Variants in LARS2 observed in about 807,000 individuals in gnomAD.
LARS2 encodes the protein leucyl-tRNA synthetase 2, mitochondrial.
A neutral mutation model predicts 116.6 loss-of-function variants in LARS2; 81 were observed. The ratio of observed to expected loss-of-function variants is 0.69; its 90% confidence interval spans 0.58 to 0.84. The LOEUF is 0.84. Ranked by LOEUF, LARS2 falls within the 40% of genes least tolerant of loss-of-function variation. The probability of loss-of-function intolerance (pLI) is 0.00; values close to 1 mark genes in which losing one functional copy is unlikely to be tolerated. For synonymous variants in LARS2, 396 were observed against 407.2 expected (o/e 0.97, Z 0.33); for missense variants, 968 against 1,114.5 (o/e 0.87, Z 1.87).
chr3:45,404,864 G>C (rs1413598897), intron 4 of LARS2, among the ~76,000 whole-genome samples: 1 of 152,166 alleles, frequency 6.6e-6, no homozygotes, highest in Non-Finnish European at 1.5e-5. Context: ...TGGGATTACA[G>C]GTGTGAGCCA....
intron 6 of LARS2, among the ~76,000 whole-genome samples, chr3:45,432,066 A>G (rs1306752396): frequency 6.6e-6 from 1 of 152,212 alleles, no homozygotes; most frequent in Non-Finnish European, 1.5e-5. Flanking sequence ...TACAAAAGAC[A>G]AAGAAGAGCA....
chr3:45,524,628 C>T (rs967823650), intron 20 of LARS2, among the ~76,000 whole-genome samples: 1 of 152,128 alleles, frequency 6.6e-6, no homozygotes, highest in Non-Finnish European at 1.5e-5. Flanking sequence ...ACATAATCAT[C>T]GAACTGGGAT....
At chr3:45,446,217 A>G (rs1325557323) in intron 6 of LARS2, among the ~76,000 whole-genome samples, 1 of 152,258 alleles carries the variant, frequency 6.6e-6, no homozygotes, top group Non-Finnish European at 1.5e-5. Context: ...TGACTTTATC[A>G]ACTGTAAATT....
chr3:45,430,543 G>C lies in LARS2; in HGVS notation c.516+10814G>C, dbSNP rs563893591. On this transcript the variant is annotated intron_variant, in intron 6 of 21. Transcript: ENST00000645846. ...GATCTGCCCGCCTCGGCCTCCCAAA[G>C]TGCTAGGATTATAGGCGTGAGCCAC... Among the ~76,000 whole-genome samples, 25 of 146,104 alleles carry C rather than the reference G, an allele frequency of 1.7e-4. No homozygotes were observed. The South Asian group carries it at 5.4e-3, about 32-fold the overall frequency.
rs534103998 is a variant in LARS2 at position 45,504,935 on chromosome 3, C to A, written c.1760+4356C>A. The stretch of plus-strand genomic sequence containing the variant: ...TCTCTACTAAAAATACAAGAATTAG[C>A]CGAGCATGGTGGCATGCGCCTGTAG... On this transcript the variant is annotated intron_variant, in intron 15 of 21. Transcript: ENST00000645846. Among the ~76,000 whole-genome samples, 159 of 151,656 alleles carry A rather than the reference C, an allele frequency of 1.0e-3. 2 individuals carry two copies. The highest frequency in any genetic ancestry group is 3.5e-3 in the African/African-American group (145 of 41,430).
intron 19 of LARS2, among the ~76,000 whole-genome samples, chr3:45,523,506 G>A (rs1381548220): frequency 6.6e-6 from 1 of 151,422 alleles, no homozygotes; most frequent in African/African-American, 2.4e-5. Flanking sequence ...TTAACATCAT[G>A]TATTTGTTGT....
chr3:45,499,453 TAA>T (rs1220302052), intron 14 of LARS2, among the ~76,000 whole-genome samples: 2 of 142,854 alleles, frequency 1.4e-5, no homozygotes, highest in Non-Finnish European at 3.1e-5. Context: ...AAAAGAAAAT[TAA>T]AAAAAAAAAA....
chr3:45,432,773 TTAGAG>T (rs1420852246), intron 6 of LARS2, among the ~76,000 whole-genome samples: 1 of 151,910 alleles, frequency 6.6e-6, no homozygotes, highest in African/African-American at 2.4e-5. Flanking sequence ...GAAATAAATA[TTAGAG>T]TAAAGATAAG....
intron 6 of LARS2, among the ~76,000 whole-genome samples, chr3:45,442,039 T>C (rs1698921756): frequency 2.0e-5 from 3 of 152,224 alleles, no homozygotes; most frequent in African/African-American, 4.8e-5. Context: ...GTTGACACTT[T>C]TATGTAGATT....
At chr3:45,471,209 TA>T (rs1699520429) in intron 8 of LARS2, among the ~76,000 whole-genome samples, 1 of 152,216 alleles carries the variant, frequency 6.6e-6, no homozygotes, top group Non-Finnish European at 1.5e-5. Context: ...TATCAGCAGC[TA>T]TTGGAAAAGG....
At chr3:45,408,433 G>A (rs116824418) in intron 4 of LARS2, among the ~76,000 whole-genome samples, 2,191 of 152,348 alleles carry the variant, frequency 0.014, 34 homozygotes, top group African/African-American at 0.05. Flanking sequence ...TCCTGCTAGC[G>A]TTCTTGTGCT....
In LARS2 at chr3:45,417,625, A is replaced by T. The variant is rs748839012; in HGVS notation, c.455+52A>T. 48 of 1,394,994 alleles carry T rather than the reference A, an allele frequency of 3.4e-5. No homozygotes were observed. The African/African-American group carries it at 3.8e-4, about 11-fold the overall frequency. The allele number at this position is 1,394,994 out of a possible 1,614,324, so 86.4% of individuals were successfully genotyped here. A position where few individuals can be genotyped will look rare whatever the true frequency, so the allele number is the denominator to read the frequency against. On this transcript the variant is annotated intron_variant, in intron 5 of 21. Coordinates refer to ENST00000645846, the MANE Select transcript of LARS2 (RefSeq NM_015340.4). ...ACTTGCATACAAAAACCTTTAAAAA[A>T]TTTTTTTAACCTGTGCTTAAAAAAT...
At chr3:45,443,129 C>T (rs893878627) in intron 6 of LARS2, among the ~76,000 whole-genome samples, 30 of 152,206 alleles carry the variant, frequency 2.0e-4, no homozygotes, top group African/African-American at 7.0e-4. Context: ...GTTGAGCACT[C>T]TTCCTTTAGA....
chr3:45,473,132 T>C (rs891564631), intron 8 of LARS2, among the ~76,000 whole-genome samples: 6 of 152,184 alleles, frequency 3.9e-5, no homozygotes, highest in Admixed American at 3.3e-4. Flanking sequence ...GGCCAACATT[T>C]CCCTGTGCCA....
chr3:45,444,374 G>A (rs1698978294), intron 6 of LARS2, among the ~76,000 whole-genome samples: 1 of 73,408 alleles, frequency 1.4e-5, no homozygotes, highest in Admixed American at 1.4e-4. Context: ...AAAAAAAAAT[G>A]CTGTTTCGGC....
intron 11 of LARS2, among the ~76,000 whole-genome samples, chr3:45,487,499 A>G (rs1167556696): frequency 2.0e-5 from 3 of 152,182 alleles, no homozygotes; most frequent in Non-Finnish European, 2.9e-5. Flanking sequence ...CCTTAGCTTT[A>G]TATCTCTCAG....
chr3:45,501,444 G>C (rs1700119425), intron 15 of LARS2, among the ~76,000 whole-genome samples: 1 of 152,036 alleles, frequency 6.6e-6, no homozygotes, highest in Admixed American at 6.6e-5. Context: ...ATTCTGTCTT[G>C]CTTTCCTCAC....
Position 45,525,483 on chromosome 3 carries a change from G to A in LARS2, c.2404+1375G>A, listed in dbSNP as rs1226470572. Reference sequence around the variant, plus strand: ...AAATCAGGAACTAATCCTAAAACCTGGGTAAGGATTTGGATGGGTCTGACT... The same window carrying A: ...AAATCAGGAACTAATCCTAAAACCTAGGTAAGGATTTGGATGGGTCTGACT... On this transcript the variant is annotated intron_variant, in intron 20 of 21. Transcript: ENST00000645846. 2.0e-5 allele frequency among the ~76,000 whole-genome samples: 3 copies of A among 152,298 alleles called. No homozygotes were observed. The East Asian group carries it at 5.8e-4, about 29-fold the overall frequency.
chr3:45,424,129 T>G (rs951111042), intron 6 of LARS2, among the ~76,000 whole-genome samples: 11 of 138,378 alleles, frequency 7.9e-5, no homozygotes, highest in African/African-American at 2.7e-4. Context: ...TTCACCAGTT[T>G]TTAGATGTAA....
Sources: gnomAD v4.1 joint callset for allele counts (sites outside exome capture counted in the v4.1 genomes callset) on GRCh38, gnomAD v4.1.1 for gene constraint, MANE v1.5 for transcripts, NCBI Gene and HGNC (gene_info 2026-07-23, HGNC 2026-07-21) for gene names.